PCDH9: variants seen among roughly 807,000 people sequenced by gnomAD.
The protein encoded by PCDH9 is protocadherin 9.
In PCDH9, 24 loss-of-function variants were observed where a neutral mutation model predicts 70.6. The observed-to-expected ratio is 0.34, with a 90% CI of 0.25 to 0.48. PCDH9 has a LOEUF of 0.48. Among genes scored for constraint, PCDH9 ranks in the 20% least tolerant of loss-of-function variants. PCDH9 has a pLI of 0.99. For synonymous variants in PCDH9, 562 were observed against 558.5 expected, an observed-to-expected ratio of 1.01 and a Z score of -0.09; for missense variants, 1,281 against 1,503.6, an observed-to-expected ratio of 0.85 and a Z score of 2.45.
chr13:67,124,170 G>A (rs894866783), intron 2 of PCDH9, among the ~76,000 whole-genome samples: 6 of 152,132 alleles, frequency 3.9e-5, no homozygotes, highest in African/African-American at 9.7e-5. Flanking sequence ...TCGAAGGAGT[G>A]TCATAGGTAG....
intron 2 of PCDH9, among the ~76,000 whole-genome samples, chr13:67,122,480 A>C (rs2086895439): frequency 6.6e-6 from 1 of 151,996 alleles, no homozygotes; most frequent in Non-Finnish European, 1.5e-5. Context: ...AACATATAAA[A>C]AGGAAATAAT....
At chr13:66,489,378 A>T (rs1020603291) in intron 4 of PCDH9, among the ~76,000 whole-genome samples, 24 of 152,240 alleles carry the variant, frequency 1.6e-4, no homozygotes, top group African/African-American at 5.8e-4. Flanking sequence ...GCAGTAGATT[A>T]CAGCTCACTG....
At chr13:66,689,607 C>T (rs967562284) in intron 3 of PCDH9, among the ~76,000 whole-genome samples, 11 of 152,154 alleles carry the variant, frequency 7.2e-5, no homozygotes, top group Admixed American at 2.6e-4. Flanking sequence ...TCCTTTCCTC[C>T]CTCTCTCCCA....
At chr13:66,333,890 T>C (rs1955985729) in intron 4 of PCDH9, among the ~76,000 whole-genome samples, 1 of 152,006 alleles carries the variant, frequency 6.6e-6, no homozygotes, top group Admixed American at 6.6e-5. Context: ...TGAAGGTATT[T>C]TTCAGATGAA....
At chr13:66,680,336 G>T (rs55865079) in intron 3 of PCDH9, among the ~76,000 whole-genome samples, 4,827 of 152,028 alleles carry the variant, frequency 0.032, 250 homozygotes, top group African/African-American at 0.11. Flanking sequence ...GAAAGACAGA[G>T]ATTAATGGCA....
intron 2 of PCDH9, among the ~76,000 whole-genome samples, chr13:67,105,875 T>A (rs962988147): frequency 1.3e-5 from 2 of 151,452 alleles, no homozygotes; most frequent in African/African-American, 2.4e-5. Flanking sequence ...AATACATATA[T>A]GTTTTTATAC....
chr13:66,411,101 C>T (rs748500321), intron 4 of PCDH9, among the ~76,000 whole-genome samples: 149 of 152,258 alleles, frequency 9.8e-4, no homozygotes, highest in Admixed American at 3.7e-3. Context: ...ATGAAATTTA[C>T]TCATATCACA....
chr13:66,326,620 T>C (rs1955852464), intron 4 of PCDH9, among the ~76,000 whole-genome samples: 1 of 152,034 alleles, frequency 6.6e-6, no homozygotes, highest in Admixed American at 6.6e-5. Flanking sequence ...GGTTTTGCCA[T>C]GTTGGCCAGG....
intron 3 of PCDH9, among the ~76,000 whole-genome samples, chr13:66,888,225 T>G (rs541086694): frequency 1.3e-5 from 2 of 152,318 alleles, no homozygotes; most frequent in African/African-American, 4.8e-5. Flanking sequence ...CCAGGTCCAG[T>G]GGCTCGTGCC....
chr13:66,701,929 C>T (rs563702278), intron 3 of PCDH9, among the ~76,000 whole-genome samples: 3 of 152,204 alleles, frequency 2.0e-5, no homozygotes, highest in Non-Finnish European at 2.9e-5. Flanking sequence ...GGAAGAGTGA[C>T]GTCTAACTAA....
rs576004332 is a variant in PCDH9 at position 67,079,641 on chromosome 13, C to T, written c.3036+145764G>A. 1.2e-4 allele frequency among the ~76,000 whole-genome samples: 18 copies of T among 152,260 alleles called. No individual in the cohort carries two copies. The East Asian group carries it at 3.3e-3, about 28-fold the overall frequency. ...ATCGGACTAAAATTACCCTGCAAAG[C>T]TGTCTTTTGTGGGAAAATTTTGCAT... On this transcript the variant is annotated intron_variant, in intron 2 of 4. Coordinates refer to ENST00000377865, the MANE Select transcript of PCDH9 (RefSeq NM_203487.3).
intron 3 of PCDH9, among the ~76,000 whole-genome samples, chr13:66,758,656 T>A (rs2079574099): frequency 6.6e-6 from 1 of 151,976 alleles, no homozygotes; most frequent in Non-Finnish European, 1.5e-5. Context: ...TTGCAAATAT[T>A]TTTTTCTCTT....
intron 3 of PCDH9, among the ~76,000 whole-genome samples, chr13:66,689,808 GTCTGC>G (rs2078456654): frequency 6.6e-6 from 1 of 152,100 alleles, no homozygotes; most frequent in Admixed American, 6.6e-5. Context: ...GCTGTCCCTG[GTCTGC>G]AGATGGAGCT....
At chr13:66,428,449 T>TA (rs1297218587) in intron 4 of PCDH9, among the ~76,000 whole-genome samples, 2 of 151,746 alleles carry the variant, frequency 1.3e-5, no homozygotes, top group Non-Finnish European at 3.0e-5. Context: ...ATAGAATACA[T>TA]ATAAAATTGT....
intron 2 of PCDH9, among the ~76,000 whole-genome samples, chr13:67,109,680 C>G (rs2086617275): frequency 1.3e-5 from 2 of 152,108 alleles, no homozygotes; most frequent in Admixed American, 6.6e-5. Context: ...TCCAGTAAGA[C>G]TAAATCGATT....
chr13:67,226,372 G>T lies in PCDH9; in HGVS notation c.2069C>A (p.Ser690Ter). The T allele has an allele frequency of 6.2e-7, 1 of 1,614,208 alleles. No individual in the cohort carries two copies. The highest frequency in any genetic ancestry group is 1.1e-5 in the South Asian group (1 of 91,074). Reference sequence around the variant, plus strand: ...TGCTACCACGGAGCCAGGAATGGCTGAGAGGGGCACCAACTTAAAGGAAGT... The same window carrying T: ...TGCTACCACGGAGCCAGGAATGGCTTAGAGGGGCACCAACTTAAAGGAAGT... ...SNTSFKLVPL[S>*]AIPGSVVAEV... Residue 690 changes from serine (S) to a stop codon, truncating the protein, a stop_gained, in exon 2 of 5, where the codon TCA becomes TAA. Transcript: ENST00000377865. LOFTEE classifies it high-confidence loss of function. The surrounding 1 kb of genome is among the most constrained non-coding windows in gnomAD (Gnocchi z 5.0).
chr13:66,748,311 T>C (rs1054125637), intron 3 of PCDH9, among the ~76,000 whole-genome samples: 1 of 152,224 alleles, frequency 6.6e-6, no homozygotes, highest in African/African-American at 2.4e-5. Flanking sequence ...TAAATTTTAT[T>C]TCATGTGTAC....
chr13:66,989,471 A>C (rs1413312735), intron 2 of PCDH9, among the ~76,000 whole-genome samples: 1 of 151,982 alleles, frequency 6.6e-6, no homozygotes, highest in African/African-American at 2.4e-5. Context: ...TTATTTGAGA[A>C]ACAGAATAAA....
chr13:66,336,148 A>G (rs1956033813), intron 4 of PCDH9, among the ~76,000 whole-genome samples: 1 of 152,100 alleles, frequency 6.6e-6, no homozygotes, highest in South Asian at 2.1e-4. Flanking sequence ...TATGCACAGG[A>G]GTGATAGGAC....
Sources: allele counts gnomAD v4.1 joint callset (sites outside exome capture counted in the v4.1 genomes callset), GRCh38; gene constraint gnomAD v4.1.1; non-coding constraint Gnocchi (gnomAD v3.1); transcripts MANE v1.5; gene names NCBI Gene and HGNC (gene_info 2026-07-23, HGNC 2026-07-21).